The following DCAF6 variants were observed in gnomAD, a reference collection of about 807,000 sequenced individuals.
DCAF6 encodes the protein DDB1- and CUL4-associated factor 6.
A neutral mutation model predicts 125.1 loss-of-function variants in DCAF6; 54 were observed. The observed-to-expected ratio is 0.43, with a 90% CI of 0.35 to 0.54. The LOEUF (loss-of-function observed/expected upper bound fraction) is 0.54, where lower values mean the gene tolerates loss of function less well. DCAF6 is among the 20% of genes least tolerant of loss of function. The pLI is 0.01. For missense variants in DCAF6, 934 were observed against 1,161.7 expected (o/e 0.80, Z 2.85); for synonymous variants, 371 against 390.4 (o/e 0.95, Z 0.58).
In DCAF6 at chr1:168,043,954, T is replaced by G. The variant is rs1007728981; in HGVS notation, c.1844-631T>G. Among the ~76,000 whole-genome samples the G allele has an allele frequency of 9.9e-5, 15 of 152,276 alleles. 1 individual carries two copies. The highest frequency in any genetic ancestry group is 6.8e-3 in the Middle Eastern group (2 of 294). ...GGCAGAAAAATGCTCAGTTTTAAGT[T>G]TAGATTTCGGGAAGGTTAGTAAAAT... On this transcript the variant is annotated intron_variant, in intron 14 of 21. Coordinates refer to ENST00000367840, the MANE Select transcript of DCAF6 (RefSeq NM_001198956.2).
the DCAF6 span, among the ~76,000 whole-genome samples, chr1:167,885,242 G>C: frequency 1.3e-5 from 2 of 152,190 alleles, no homozygotes; most frequent in Non-Finnish European, 2.9e-5. Context: ...TAGCACTGCA[G>C]TAAACATGGG....
chr1:167,951,993 T>G, intron 2 of DCAF6, 132 bp downstream of exon 2: 1 of 536,630 alleles, frequency 1.9e-6, no homozygotes, highest in Non-Finnish European at 3.2e-6. Context: ...TACATTAAAA[T>G]ATAAAATTAT....
rs200233772 is a variant in DCAF6, at chr1:167,941,833, CTT to C, written c.97+4828_97+4829del. 7.9e-4 allele frequency among the ~76,000 whole-genome samples: 121 copies of C among 152,206 alleles called. 2 individuals carry two copies. The East Asian group carries it at 0.02, about 26-fold the overall frequency. ...TGGACAAAATAACTAGGGTCGAACA[CTT>C]TTAAATAGATATCTATTGTGGGATT... is the stretch of plus-strand genomic sequence containing the variant. On this transcript the variant is annotated intron_variant, in intron 1 of 21. Transcript: ENST00000367840.
chr1:168,028,519 G>A (rs1375276541), intron 12 of DCAF6, among the ~76,000 whole-genome samples: 1 of 152,084 alleles, frequency 6.6e-6, no homozygotes, highest in Non-Finnish European at 1.5e-5. Flanking sequence ...TTCTGTTATA[G>A]ATTTAAAGAA....
At chr1:167,994,915 AC>A (rs1181814693) in intron 7 of DCAF6, among the ~76,000 whole-genome samples, 2 of 152,178 alleles carry the variant, frequency 1.3e-5, no homozygotes, top group African/African-American at 2.4e-5. Flanking sequence ...GAGATACAAA[AC>A]TATATTCATT....
chr1:167,901,888 C>T, the DCAF6 span: 2 of 1,611,638 alleles, frequency 1.2e-6, no homozygotes, highest in Non-Finnish European at 1.7e-6. Context: ...GAAACTTACT[C>T]ATCAAGCATT....
chr1:168,050,972 T>A, intron 17 of DCAF6, 39 bp downstream of exon 17: 1 of 1,175,848 alleles, frequency 8.5e-7, no homozygotes. Flanking sequence ...TTTTTTATGA[T>A]GGATTTGCCA....
chr1:168,045,247 A>G lies in DCAF6; in HGVS notation c.2258+20A>G. The G allele has an allele frequency of 6.4e-7, 1 of 1,562,152 alleles. No individual in the cohort carries two copies. The highest frequency in any genetic ancestry group is 2.3e-5 in the East Asian group (1 of 44,358). On this transcript the variant is annotated intron_variant, in intron 16 of 21. Transcript: ENST00000367840. ...TGATAGGTTGGTAAATTTTTAATTAACATGAACTGTAAAAAATGTATTTCA... is the reference window on the plus strand; with the variant it reads ...TGATAGGTTGGTAAATTTTTAATTAGCATGAACTGTAAAAAATGTATTTCA...
chr1:168,045,051 G>C lies in DCAF6; in HGVS notation c.2082G>C (p.Glu694Asp). Reference sequence around the variant, plus strand: ...AAACTTCAGATCAGACTAGCACTGAGAGTGCTACCAATGAAAATAACACCA... The same window carrying C: ...AAACTTCAGATCAGACTAGCACTGACAGTGCTACCAATGAAAATAACACCA... ...EPETSDQTST[E>D]SATNENNTNP... Residue 694 changes from glutamate to aspartate, a missense_variant, in exon 16 of 22, where the codon GAG becomes GAC. By Grantham distance (45) the Glu-to-Asp change is conservative. Around this residue, in one of 5 missense-constraint regions of DCAF6, gnomAD observed 559 missense variants for 635.5 expected, o/e 0.88. Transcript: ENST00000367840. 6.2e-7 allele frequency: 1 copy of C among 1,614,020 alleles called. No individual in the cohort carries two copies. Among genetic ancestry groups the C allele is most frequent in the Non-Finnish European group, 8.5e-7 (1 of 1,179,940 alleles).
At chr1:167,937,068 A>G in intron 1 of DCAF6, 60 bp downstream of exon 1, 3 of 1,422,042 alleles carry the variant, frequency 2.1e-6, no homozygotes, top group Non-Finnish European at 2.9e-6. Context: ...GGGAGGGGGC[A>G]CGCTGCCGGG....
chr1:168,044,942 C>T lies in DCAF6; in HGVS notation c.1973C>T (p.Ser658Leu), dbSNP rs1688979295. 1.2e-6 allele frequency: 2 copies of T among 1,614,028 alleles called. No individual in the cohort carries two copies. The highest frequency in any genetic ancestry group is 1.7e-6 in the Non-Finnish European group (2 of 1,179,960). ...ACAGCCAAGCCATTGGATTCCAACT[C>T]AGGAGAAAGAAATGACCTCAATCTT... ...KFTAKPLDSN[S>L]GERNDLNLDR... Residue 658 changes from serine to leucine, a missense_variant, in exon 16 of 22, where the codon TCA becomes TTA. By Grantham distance (145) the Ser-to-Leu change is moderately radical. Transcript: ENST00000367840.
the DCAF6 span, among the ~76,000 whole-genome samples, chr1:167,886,022 A>G: frequency 6.6e-6 from 1 of 152,160 alleles, no homozygotes; most frequent in Non-Finnish European, 1.5e-5. Flanking sequence ...GGAGAACTAC[A>G]AACCACTGCT....
At chr1:167,880,054 G>T in the DCAF6 span, 2 of 1,444,264 alleles carry the variant, frequency 1.4e-6, no homozygotes, top group Non-Finnish European at 1.9e-6. Flanking sequence ...CTCCCGCAAA[G>T]CCCAGTGGCA....
At position 167,961,075 on chromosome 1, in the gene DCAF6, C is replaced by G. The variant is rs116216125; in HGVS notation, c.160-5554C>G. 4.9e-3 allele frequency among the ~76,000 whole-genome samples: 741 copies of G among 151,996 alleles called. 2 individuals are homozygous for G. The highest frequency in any genetic ancestry group is 7.0e-3 in the Non-Finnish European group (477 of 67,936). ...TATACATATTTCATTCAATTTATACCTAAGTGTTTCATGTTTTGGAGTGCT... is the reference window on the plus strand; with the variant it reads ...TATACATATTTCATTCAATTTATACGTAAGTGTTTCATGTTTTGGAGTGCT... On this transcript the variant is annotated intron_variant, in intron 2 of 21. Coordinates refer to ENST00000367840, the MANE Select transcript of DCAF6 (RefSeq NM_001198956.2).
chr1:167,911,770 G>A, the DCAF6 span, among the ~76,000 whole-genome samples: 12,202 of 152,222 alleles, frequency 0.08, 574 homozygotes, highest in Middle Eastern at 0.11. Context: ...GAGAACAAGC[G>A]TTTCAAACAG....
rs942822542 is a variant in DCAF6 at position 167,990,711 on chromosome 1, C to T, written c.553-493C>T. ...ATTATTACCATCTTTTTGTAGCTGGCGCTGTTCTAGTATAATTACTCAGTA... is the reference window on the plus strand; with the variant it reads ...ATTATTACCATCTTTTTGTAGCTGGTGCTGTTCTAGTATAATTACTCAGTA... On this transcript the variant is annotated intron_variant, in intron 5 of 21. Coordinates refer to ENST00000367840, the MANE Select transcript of DCAF6 (RefSeq NM_001198956.2). Among the ~76,000 whole-genome samples, 6 of 151,984 alleles carry T rather than the reference C, an allele frequency of 3.9e-5. No individual in the cohort carries two copies. The East Asian group carries it at 7.7e-4, about 19-fold the overall frequency.
the DCAF6 span, chr1:167,899,277 A>G: frequency 1.3e-6 from 1 of 794,848 alleles, no homozygotes; most frequent in Non-Finnish European, 2.1e-6. Context: ...CCCTGGACTA[A>G]AGCCTCTGTA....
chr1:167,864,292 G>A, the DCAF6 span, among the ~76,000 whole-genome samples: 1 of 152,150 alleles, frequency 6.6e-6, no homozygotes, highest in African/African-American at 2.4e-5. Flanking sequence ...TAGAAACTAT[G>A]TTGAAAAATT....
chr1:167,879,923 C>T, the DCAF6 span, among the ~76,000 whole-genome samples: 1,092 of 152,292 alleles, frequency 7.2e-3, 9 homozygotes, highest in African/African-American at 0.025. Context: ...TATTTCTCTA[C>T]TCATACATAG....
Sources: gnomAD v4.1 joint callset for allele counts (sites outside exome capture counted in the v4.1 genomes callset) on GRCh38, gnomAD v4.1.1 for gene constraint, gnomAD v4.1.1 regional missense constraint, MANE v1.5 for transcripts, NCBI Gene and HGNC (gene_info 2026-07-23, HGNC 2026-07-21) for gene names.